Variants in DLGAP1 observed in about 807,000 individuals in gnomAD.
DLGAP1 encodes disks large-associated protein 1.
Under a neutral mutation model 90.8 loss-of-function variants are expected in DLGAP1, and 11 were observed. The ratio of observed to expected loss-of-function variants is 0.12; its 90% CI spans 0.08 to 0.20. The LOEUF (loss-of-function observed/expected upper bound fraction) is 0.20. Among genes scored for constraint, DLGAP1 ranks in the 10% least tolerant of loss-of-function variants. The pLI is 1.00. For synonymous variants in DLGAP1, 558 were observed against 540.7 expected (o/e 1.03, Z -0.44); for missense variants, 1,050 against 1,333.8 (o/e 0.79, Z 3.31).
At chr18:4,451,945 A>G (rs1297363285) in intron 1 of DLGAP1, among the ~76,000 whole-genome samples, 1 of 152,204 alleles carries the variant, frequency 6.6e-6, no homozygotes, top group African/African-American at 2.4e-5. Flanking sequence ...AGGTTTTTCA[A>G]GAGTCTTTTT....
chr18:4,139,763 T>G (rs1399251014), intron 2 of DLGAP1, among the ~76,000 whole-genome samples: 1 of 151,878 alleles, frequency 6.6e-6, no homozygotes, highest in East Asian at 1.9e-4. Context: ...CTCTCTTTAA[T>G]AATATTTACT....
At chr18:4,072,970 G>A (rs995259347) in intron 2 of DLGAP1, among the ~76,000 whole-genome samples, 2 of 152,142 alleles carry the variant, frequency 1.3e-5, no homozygotes, top group African/African-American at 4.8e-5. Context: ...TTCAGAGTAA[G>A]TCTACTTGGA....
chr18:4,356,132 G>A (rs909243060), intron 1 of DLGAP1, among the ~76,000 whole-genome samples: 5 of 151,914 alleles, frequency 3.3e-5, no homozygotes, highest in African/African-American at 1.2e-4. Context: ...TCTGTCTTCA[G>A]GAGGACTTTG....
chr18:3,861,997 G>A (rs77189584), intron 4 of DLGAP1, among the ~76,000 whole-genome samples: 19,186 of 152,214 alleles, frequency 0.13, 1,283 homozygotes, highest in Middle Eastern at 0.18. Flanking sequence ...GAAGCCAGAC[G>A]TTGACACTTG....
intron 3 of DLGAP1, among the ~76,000 whole-genome samples, chr18:3,943,436 A>G (rs1340198820): frequency 7.0e-6 from 1 of 142,534 alleles, no homozygotes; most frequent in African/African-American, 2.6e-5. Flanking sequence ...AGGATTATCT[A>G]CTGTGAAAGA....
chr18:3,553,063 G>C (rs1006911624), intron 9 of DLGAP1, among the ~76,000 whole-genome samples: 14 of 151,778 alleles, frequency 9.2e-5, no homozygotes, highest in Non-Finnish European at 1.9e-4. Flanking sequence ...AGGCCTCCAA[G>C]ATACATGTGT....
chr18:3,894,038 A>T lies in DLGAP1; in HGVS notation c.-72-13898T>A, dbSNP rs1204874286. On this transcript the variant is annotated intron_variant, in intron 3 of 12. Transcript: ENST00000315677. ...GTCTTCTTTTGAAAAATATCTGTTC[A>T]TGTCCTTTGCTCACTCTTTAATGGG... Among the ~76,000 whole-genome samples the T allele has an allele frequency of 2.0e-5, 3 of 152,098 alleles. No individual in the cohort carries two copies. The East Asian group carries it at 5.8e-4, about 29-fold the overall frequency.
intron 1 of DLGAP1, among the ~76,000 whole-genome samples, chr18:4,362,745 T>A (rs2081657110): frequency 6.6e-6 from 1 of 152,194 alleles, no homozygotes; most frequent in Non-Finnish European, 1.5e-5. Flanking sequence ...ATATGTTACG[T>A]ACATTTTACC....
chr18:3,777,315 CATG>C (rs1188173900), intron 5 of DLGAP1, among the ~76,000 whole-genome samples: 2 of 152,164 alleles, frequency 1.3e-5, no homozygotes, highest in African/African-American at 4.8e-5. Flanking sequence ...CCAGAAACTT[CATG>C]ATAAAATGCA....
At chr18:4,320,788 G>T (rs140833882) in intron 1 of DLGAP1, among the ~76,000 whole-genome samples, 1 of 149,550 alleles carries the variant, frequency 6.7e-6, no homozygotes, top group African/African-American at 2.5e-5. Flanking sequence ...AAGAAAACCC[G>T]TAAGATTAAA....
At chr18:3,872,824 G>A (rs941538830) in intron 4 of DLGAP1, among the ~76,000 whole-genome samples, 1 of 152,150 alleles carries the variant, frequency 6.6e-6, no homozygotes, top group Non-Finnish European at 1.5e-5. Context: ...CTTCTGAGGA[G>A]AATGGAAAAA....
chr18:3,847,121 T>C (rs189402707), intron 4 of DLGAP1, among the ~76,000 whole-genome samples: 1 of 152,184 alleles, frequency 6.6e-6, no homozygotes, highest in Non-Finnish European at 1.5e-5. Context: ...TCAGTAAATT[T>C]CTTTTCTTGT....
intron 2 of DLGAP1, among the ~76,000 whole-genome samples, chr18:4,057,971 C>T (rs1186223060): frequency 6.6e-6 from 1 of 152,198 alleles, no homozygotes; most frequent in Non-Finnish European, 1.5e-5. Context: ...TCTCGGTTCA[C>T]TCTGATGGGT....
At chr18:4,271,922 G>A (rs761026238) in intron 1 of DLGAP1, among the ~76,000 whole-genome samples, 2 of 152,184 alleles carry the variant, frequency 1.3e-5, no homozygotes, top group Non-Finnish European at 2.9e-5. Context: ...CACAATTCAT[G>A]TTTAGTAGGC....
intron 7 of DLGAP1, chr18:3,680,250 A>C (rs1312018221): frequency 5.9e-5 from 9 of 152,236 alleles, no homozygotes; most frequent in Non-Finnish European, 1.0e-4. Flanking sequence ...AGTCATTCCA[A>C]ATTGCTTAGG....
At chr18:3,512,969 G>A (rs913222665) in intron 10 of DLGAP1, among the ~76,000 whole-genome samples, 3 of 152,124 alleles carry the variant, frequency 2.0e-5, no homozygotes, top group Non-Finnish European at 4.4e-5. Context: ...AGCAGATCTC[G>A]AGAACTTATT....
chr18:3,747,613 C>G lies in DLGAP1; in HGVS notation c.1173-5101G>C, dbSNP rs77460719. Among the ~76,000 whole-genome samples the G allele has an allele frequency of 4.6e-5, 7 of 152,186 alleles. No individual in the cohort carries two copies. In the East Asian group the frequency reaches 1.4e-3, roughly 29 times the overall value. On this transcript the variant is annotated intron_variant, in intron 5 of 12. Transcript: ENST00000315677. Reference sequence around the variant, plus strand: ...GGCTGTTTCATAAATGGTGTATATTCAAAGAAGAAGTGAAAGTCCGGCGTT... The same window carrying G: ...GGCTGTTTCATAAATGGTGTATATTGAAAGAAGAAGTGAAAGTCCGGCGTT...
intron 1 of DLGAP1, among the ~76,000 whole-genome samples, chr18:4,444,175 G>A (rs12957174): frequency 0.12 from 17,996 of 152,218 alleles, 1,100 homozygotes; most frequent in Middle Eastern, 0.17. Context: ...CGAGGGAGAC[G>A]CTCCTCTTTA....
chr18:3,551,679 C>CTT lies in DLGAP1; in HGVS notation c.2057+15810_2057+15811insAA, dbSNP rs1568180112. On this transcript the variant is annotated intron_variant, in intron 9 of 12. Transcript: ENST00000315677. ...TTGTCTCTTTCCTTCTTTCTTTTCC[C>CTT]TCCCCTCCCTCCCTCCCTCCCTCCC... Among the ~76,000 whole-genome samples, 9 of 966 alleles carry CTT rather than the reference C, an allele frequency of 9.3e-3. 2 individuals carry two copies. Among genetic ancestry groups the CTT allele is most frequent in the South Asian group, 0.12 (1 of 8 alleles). 0.6% of individuals were successfully genotyped at this position (966 alleles called of 152,430 possible). A position where few individuals can be genotyped will look rare whatever the true frequency, so the allele number is the denominator to read the frequency against.
Sources: gnomAD v4.1 joint callset for allele counts (sites outside exome capture counted in the v4.1 genomes callset) on GRCh38, gnomAD v4.1.1 for gene constraint, MANE v1.5 for transcripts, NCBI Gene and HGNC (gene_info 2026-07-23, HGNC 2026-07-21) for gene names.